GSTCD: variants seen among roughly 807,000 people sequenced by gnomAD.
GSTCD encodes glutathione S-transferase C-terminal domain-containing protein.
In GSTCD, 44 loss-of-function variants were observed where a neutral mutation model predicts 68.3. The observed-to-expected ratio is 0.64, with a 90% CI of 0.51 to 0.83. GSTCD has a LOEUF of 0.83. Among genes scored for constraint, GSTCD ranks in the 40% least tolerant of loss-of-function variants. The probability of loss-of-function intolerance (pLI) is 0.00; values close to 1 mark genes in which losing one functional copy is unlikely to be tolerated. For missense variants in GSTCD, 739 were observed against 735.9 expected (o/e 1.00, Z -0.05); for synonymous variants, 273 against 255.2 (o/e 1.07, Z -0.67).
intron 5 of GSTCD, among the ~76,000 whole-genome samples, chr4:105,772,587 G>A (rs1224374278): frequency 1.3e-5 from 2 of 151,954 alleles, no homozygotes; most frequent in African/African-American, 4.8e-5. Flanking sequence ...ATTTTATCGA[G>A]GGCCTTTTCT....
At chr4:105,837,751 T>G in intron 9 of GSTCD, 108 bp from the exon 10 acceptor site, 1 of 534,214 alleles carries the variant, frequency 1.9e-6, no homozygotes, top group East Asian at 3.7e-5. Flanking sequence ...ACCATAGCAT[T>G]TTATGCTTTC....
chr4:105,734,288 A>G (rs1018311506), intron 5 of GSTCD, among the ~76,000 whole-genome samples: 6 of 152,150 alleles, frequency 3.9e-5, no homozygotes, highest in Admixed American at 6.5e-5. Context: ...GTGTTTTCCA[A>G]CTTGGTTCCA....
rs571031916 is a variant in GSTCD, at chr4:105,763,227, A to T, written c.1240+33728A>T. ...TTATTTCATATTTCCACCATGAAAG[A>T]TATCTCTATAAGGATGAAGCAAAGC... is the stretch of plus-strand genomic sequence containing the variant. On this transcript the variant is annotated intron_variant, in intron 5 of 11. Coordinates refer to ENST00000515279, the MANE Select transcript of GSTCD (RefSeq NM_001370181.1). Among the ~76,000 whole-genome samples the T allele has an allele frequency of 4.8e-4, 73 of 152,342 alleles. 1 individual carries two copies. In the South Asian group the frequency reaches 0.014, roughly 29 times the overall value.
intron 7 of GSTCD, chr4:105,823,481 A>AT (rs1723417628): frequency 9.3e-6 from 4 of 429,056 alleles, no homozygotes; most frequent in Middle Eastern, 6.3e-4. Context: ...ACATTTATCA[A>AT]TTTTTAAAAG....
intron 1 of GSTCD, 114 bp from the exon 2 acceptor site, chr4:105,717,479 A>T: frequency 1.5e-6 from 1 of 674,542 alleles, no homozygotes; most frequent in Non-Finnish European, 2.4e-6. Context: ...TAGCATTATT[A>T]TCTACTGCAA....
At chr4:105,814,054 GAA>G (rs1722865271) in intron 5 of GSTCD, among the ~76,000 whole-genome samples, 1 of 152,050 alleles carries the variant, frequency 6.6e-6, no homozygotes, top group African/African-American at 2.4e-5. Context: ...AAGAACCAGA[GAA>G]AAAGAGGGAG....
At chr4:105,738,900 C>T (rs567352102) in intron 5 of GSTCD, among the ~76,000 whole-genome samples, 1 of 152,334 alleles carries the variant, frequency 6.6e-6, no homozygotes, top group East Asian at 1.9e-4. Context: ...TGAGAATGGG[C>T]ATCCTTGTCT....
chr4:105,845,400 A>T, intron 11 of GSTCD, 41 bp from the exon 12 acceptor site: 2 of 1,611,866 alleles, frequency 1.2e-6, no homozygotes, highest in Middle Eastern at 1.7e-4. Flanking sequence ...CTGTCCTGCT[A>T]GTGAAAGGGT....
rs1181522509 is a variant in GSTCD, at chr4:105,813,843, T to C, written c.1241-9111T>C. ...GATTACCTAATATAAAATATTCACC[T>C]AGTCAATTTCAACCATATTATTCTA... On this transcript the variant is annotated intron_variant, in intron 5 of 11. Coordinates refer to ENST00000515279, the MANE Select transcript of GSTCD (RefSeq NM_001370181.1). Among the ~76,000 whole-genome samples the C allele has an allele frequency of 5.3e-5, 8 of 152,204 alleles. No individual in the cohort carries two copies. In the East Asian group the frequency reaches 1.3e-3, roughly 26 times the overall value.
At chr4:105,821,357 C>G (rs930532316) in intron 5 of GSTCD, among the ~76,000 whole-genome samples, 2 of 151,768 alleles carry the variant, frequency 1.3e-5, no homozygotes, top group African/African-American at 4.8e-5. Context: ...TGAAAGTTGT[C>G]ATGACAAAAA....
chr4:105,810,505 C>T (rs1005212869), intron 5 of GSTCD, among the ~76,000 whole-genome samples: 1 of 151,950 alleles, frequency 6.6e-6, no homozygotes, highest in Non-Finnish European at 1.5e-5. Context: ...TGTTTTTTTA[C>T]TGGGTATCCA....
chr4:105,710,244 T>A (rs946282967), intron 1 of GSTCD, among the ~76,000 whole-genome samples: 14 of 142,428 alleles, frequency 9.8e-5, no homozygotes, highest in Admixed American at 2.1e-4. Flanking sequence ...TTTTTTTTTT[T>A]TTTTTTTTTT....
intron 7 of GSTCD, 65 bp from the exon 8 acceptor site, chr4:105,825,607 T>C: frequency 1.1e-6 from 1 of 920,516 alleles, no homozygotes; most frequent in East Asian, 2.5e-5. Context: ...AATATAGTGA[T>C]AATGCTTTGC....
chr4:105,781,963 T>C (rs1256840214), intron 5 of GSTCD, among the ~76,000 whole-genome samples: 1 of 152,274 alleles, frequency 6.6e-6, no homozygotes, highest in Non-Finnish European at 1.5e-5. Context: ...GAGACTCTTT[T>C]CCTAGCAGGA....
At chr4:105,830,206 C>A (rs1231735715) in intron 8 of GSTCD, among the ~76,000 whole-genome samples, 2 of 151,952 alleles carry the variant, frequency 1.3e-5, no homozygotes, top group Admixed American at 6.5e-5. Context: ...TTTCAGAACA[C>A]CAAGGGTGAA....
intron 5 of GSTCD, among the ~76,000 whole-genome samples, chr4:105,778,796 C>T (rs937830581): frequency 1.3e-5 from 2 of 152,060 alleles, no homozygotes; most frequent in African/African-American, 4.8e-5. Context: ...ACTTTCCAGA[C>T]ATATGAAAGT....
intron 5 of GSTCD, among the ~76,000 whole-genome samples, chr4:105,755,505 C>G (rs1200221026): frequency 1.3e-5 from 2 of 152,152 alleles, no homozygotes; most frequent in African/African-American, 4.8e-5. Flanking sequence ...CACATTACTT[C>G]TGATACTGAA....
chr4:105,802,119 T>C (rs1736126689), intron 5 of GSTCD, among the ~76,000 whole-genome samples: 1 of 152,152 alleles, frequency 6.6e-6, no homozygotes, highest in Non-Finnish European at 1.5e-5. Flanking sequence ...AATGGGATAG[T>C]ACAGTATATA....
intron 10 of GSTCD, among the ~76,000 whole-genome samples, chr4:105,841,842 G>A (rs1241528250): frequency 4.6e-5 from 7 of 152,164 alleles, no homozygotes; most frequent in Admixed American, 1.3e-4. Flanking sequence ...CGGCGAGACT[G>A]TCTCAAAACA....
Sources: allele counts gnomAD v4.1 joint callset (sites outside exome capture counted in the v4.1 genomes callset), GRCh38; gene constraint gnomAD v4.1.1; transcripts MANE v1.5; gene names NCBI Gene and HGNC (gene_info 2026-07-23, HGNC 2026-07-21).